GLIS3: variants seen among roughly 807,000 people sequenced by gnomAD.
GLIS3 encodes GLIS family zinc finger 3, also known as zinc finger protein GLIS3.
A neutral mutation model predicts 78.6 loss-of-function variants in GLIS3; 53 were observed. The observed-to-expected ratio is 0.67, with a 90% CI of 0.54 to 0.85. The LOEUF (loss-of-function observed/expected upper bound fraction) is 0.85. Among genes scored for constraint, GLIS3 ranks in the 40% least tolerant of loss-of-function variants. The pLI is 0.00. For synonymous variants in GLIS3, 684 were observed against 509.9 expected, an observed-to-expected ratio of 1.34 and a Z score of -4.60; for missense variants, 1,703 against 1,231.1, an observed-to-expected ratio of 1.38 and a Z score of -5.74.
At chr9:4,481,373 A>G in the GLIS3 span, among the ~76,000 whole-genome samples, 5 of 152,026 alleles carry the variant, frequency 3.3e-5, no homozygotes, top group Admixed American at 6.6e-5. Context: ...AATCCCAGCT[A>G]CTCAGGAGGC....
chr9:4,252,621 A>T (rs903807709), intron 2 of GLIS3, among the ~76,000 whole-genome samples: 2 of 152,038 alleles, frequency 1.3e-5, no homozygotes, highest in African/African-American at 2.4e-5. Flanking sequence ...TAATTCATCA[A>T]ACTCATTCTC....
At chr9:4,227,579 G>C (rs750654582) in intron 2 of GLIS3, among the ~76,000 whole-genome samples, 2 of 152,124 alleles carry the variant, frequency 1.3e-5, no homozygotes, top group Non-Finnish European at 2.9e-5. Context: ...AGAGTGACTT[G>C]AATCCTGGAA....
chr9:4,028,355 C>T (rs1038832352), intron 4 of GLIS3, among the ~76,000 whole-genome samples: 1 of 152,070 alleles, frequency 6.6e-6, no homozygotes, highest in African/African-American at 2.4e-5. Context: ...AATGAAAAAC[C>T]AATTATCTTG....
At chr9:4,264,458 A>G (rs1019967401) in intron 2 of GLIS3, among the ~76,000 whole-genome samples, 12 of 152,228 alleles carry the variant, frequency 7.9e-5, no homozygotes, top group African/African-American at 2.9e-4. Context: ...AAGTTACATC[A>G]TGTTAATTCT....
At chr9:4,380,867 T>C in the GLIS3 span, among the ~76,000 whole-genome samples, 2 of 152,198 alleles carry the variant, frequency 1.3e-5, no homozygotes, top group Non-Finnish European at 2.9e-5. Flanking sequence ...TGCAATGTCT[T>C]ATCTCTCAAA....
chr9:3,868,177 A>C (rs890232866), intron 8 of GLIS3, among the ~76,000 whole-genome samples: 1 of 152,238 alleles, frequency 6.6e-6, no homozygotes, highest in Non-Finnish European at 1.5e-5. Context: ...AAACTCTCTT[A>C]ATTTGCATCA....
upstream of GLIS3, among the ~76,000 whole-genome samples, chr9:4,304,758 TC>T (rs1345661294): frequency 6.6e-6 from 1 of 152,174 alleles, no homozygotes; most frequent in Non-Finnish European, 1.5e-5. Flanking sequence ...TTCAGACTCC[TC>T]CCCAACTCAC....
chr9:4,272,322 T>C (rs1429615145), intron 2 of GLIS3, among the ~76,000 whole-genome samples: 1 of 152,160 alleles, frequency 6.6e-6, no homozygotes, highest in African/African-American at 2.4e-5. Context: ...ATAGTAGAAA[T>C]TCTGGTAGAC....
chr9:4,459,429 G>A, the GLIS3 span, among the ~76,000 whole-genome samples: 4 of 152,262 alleles, frequency 2.6e-5, no homozygotes, highest in Admixed American at 2.6e-4. Flanking sequence ...AGTGAGGTAC[G>A]AGGGAAAACG....
At chr9:3,986,699 G>A (rs940261967) in intron 4 of GLIS3, among the ~76,000 whole-genome samples, 2 of 152,240 alleles carry the variant, frequency 1.3e-5, no homozygotes, top group African/African-American at 4.8e-5. Context: ...CCCTCGGGCA[G>A]TACCAGCAGG....
intron 4 of GLIS3, among the ~76,000 whole-genome samples, chr9:4,115,776 AC>A (rs1223672690): frequency 4.6e-5 from 7 of 152,094 alleles, no homozygotes; most frequent in African/African-American, 1.4e-4. Context: ...CTCCTAAGAA[AC>A]CCTGTTTATT....
chr9:4,234,580 T>C (rs991801329), intron 2 of GLIS3, among the ~76,000 whole-genome samples: 1 of 152,164 alleles, frequency 6.6e-6, no homozygotes, highest in African/African-American at 2.4e-5. Flanking sequence ...GATATTATAA[T>C]AACAACGGAA....
At chr9:3,854,792 C>T (rs534763348) in intron 9 of GLIS3, among the ~76,000 whole-genome samples, 1 of 152,172 alleles carries the variant, frequency 6.6e-6, no homozygotes, top group Admixed American at 6.6e-5. Context: ...GATCCACCCG[C>T]CTCGGCCTCC....
At chr9:3,901,755 C>T (rs903510551) in intron 6 of GLIS3, among the ~76,000 whole-genome samples, 1 of 152,198 alleles carries the variant, frequency 6.6e-6, no homozygotes, top group Non-Finnish European at 1.5e-5. Context: ...AGCTGTGGCA[C>T]ATTCCAGTCT....
At chr9:4,115,885 G>A (rs1016622659) in intron 4 of GLIS3, among the ~76,000 whole-genome samples, 1 of 152,172 alleles carries the variant, frequency 6.6e-6, no homozygotes, top group African/African-American at 2.4e-5. Flanking sequence ...CCACCTAGAA[G>A]TGGGGAGTGG....
At chr9:4,019,121 G>C (rs534252253) in intron 4 of GLIS3, among the ~76,000 whole-genome samples, 1 of 152,216 alleles carries the variant, frequency 6.6e-6, no homozygotes, top group East Asian at 1.9e-4. Context: ...TGAAGGATGG[G>C]GTTAGGAATT....
At chr9:4,224,303 CAAGT>C (rs749461325) in intron 2 of GLIS3, among the ~76,000 whole-genome samples, 18 of 152,140 alleles carry the variant, frequency 1.2e-4, no homozygotes, top group Non-Finnish European at 2.5e-4. Flanking sequence ...TGATGATAAC[CAAGT>C]AAGTAACAGC....
chr9:4,382,899 C>A, the GLIS3 span, among the ~76,000 whole-genome samples: 10 of 152,132 alleles, frequency 6.6e-5, no homozygotes, highest in Non-Finnish European at 1.0e-4. Flanking sequence ...GTCACTACTG[C>A]CTAATTAATA....
At chr9:4,468,856 G>A in the GLIS3 span, among the ~76,000 whole-genome samples, 1 of 152,252 alleles carries the variant, frequency 6.6e-6, no homozygotes, top group East Asian at 1.9e-4. Flanking sequence ...TGGATAAAGA[G>A]TCAAGACCCA....
Sources: allele counts gnomAD v4.1 joint callset (sites outside exome capture counted in the v4.1 genomes callset), GRCh38; gene constraint gnomAD v4.1.1; transcripts MANE v1.5; gene names NCBI Gene and HGNC (gene_info 2026-07-23, HGNC 2026-07-21).